DNAI7: variants seen among roughly 807,000 people sequenced by gnomAD.
DNAI7 encodes the protein dynein axonemal intermediate chain 7, also known as cancer susceptibility 1.
A neutral mutation model predicts 86.6 loss-of-function variants in DNAI7; 78 were observed. That is an observed-to-expected ratio of 0.90 (90% CI 0.75 to 1.09). DNAI7 has a LOEUF of 1.09. DNAI7 is among the 50% of genes least tolerant of loss of function. The pLI, the probability that DNAI7 is intolerant of heterozygous loss-of-function variation, is 0.00. For missense variants in DNAI7, 753 were observed against 810.2 expected, an observed-to-expected ratio of 0.93 and a Z score of 0.86; for synonymous variants, 274 against 273.0, an observed-to-expected ratio of 1.00 and a Z score of -0.04.
chr12:25,188,779 G>A (rs528214506), intron 2 of DNAI7, among the ~76,000 whole-genome samples: 27 of 152,000 alleles, frequency 1.8e-4, no homozygotes, highest in African/African-American at 5.8e-4. Context: ...TACTATCAAC[G>A]TAATAGCCCA....
intron 2 of DNAI7, among the ~76,000 whole-genome samples, chr12:25,162,403 T>C (rs899438439): frequency 2.0e-5 from 3 of 152,168 alleles, no homozygotes; most frequent in Non-Finnish European, 4.4e-5. Context: ...GGCACTAGAA[T>C]TGTAGAACTG....
At chr12:25,181,749 A>G (rs1321863480) in intron 2 of DNAI7, among the ~76,000 whole-genome samples, 1 of 152,176 alleles carries the variant, frequency 6.6e-6, no homozygotes, top group Non-Finnish European at 1.5e-5. Context: ...AAGAGGACAT[A>G]TAAGTGGCAA....
At chr12:25,171,489 C>G (rs138996632) in intron 2 of DNAI7, among the ~76,000 whole-genome samples, 1 of 151,502 alleles carries the variant, frequency 6.6e-6, no homozygotes, top group Non-Finnish European at 1.5e-5. Flanking sequence ...TAAAAATTAC[C>G]AGAAAAAAAA....
chr12:25,143,563 C>G (rs959941888), intron 9 of DNAI7, among the ~76,000 whole-genome samples: 1 of 152,146 alleles, frequency 6.6e-6, no homozygotes, highest in Non-Finnish European at 1.5e-5. Flanking sequence ...AAATTGAATT[C>G]TTAATAAATC....
rs1949390608 is a variant in DNAI7, at chr12:25,108,410, G to C, written c.*138C>G. ...AAATACTGTTTTTAAAATAAAACTT[G>C]AGTAGAAAATGCAGATTAGAAAATT... is the stretch of plus-strand genomic sequence containing the variant. On this transcript the variant is annotated 3_prime_UTR_variant, in exon 16 of 16. Coordinates refer to ENST00000395987, the MANE Select transcript of DNAI7 (RefSeq NM_018272.5). 3 of 730,054 alleles carry C rather than the reference G, an allele frequency of 4.1e-6. No homozygotes were observed. The highest frequency in any genetic ancestry group is 6.2e-6 in the Non-Finnish European group (3 of 482,544). The allele number at this position is 730,054 out of a possible 1,614,324, so 45.2% of individuals were successfully genotyped here.
intron 1 of DNAI7, among the ~76,000 whole-genome samples, chr12:25,191,223 G>T (rs1247120147): frequency 6.6e-6 from 1 of 152,078 alleles, no homozygotes. Flanking sequence ...GATCAGCCCG[G>T]GCAACACAGG....
intron 9 of DNAI7, among the ~76,000 whole-genome samples, chr12:25,138,921 G>T (rs1565696946): frequency 6.6e-6 from 1 of 151,346 alleles, no homozygotes; most frequent in Admixed American, 6.6e-5. Flanking sequence ...ATAAAAATCT[G>T]GTTTTTTGAA....
At chr12:25,149,575 A>T (rs1945256277) in intron 7 of DNAI7, 53 bp downstream of exon 7, 2 of 1,281,000 alleles carry the variant, frequency 1.6e-6, no homozygotes, top group Non-Finnish European at 2.2e-6. Context: ...ATTTTATAAC[A>T]TAAAATGTTA....
intron 9 of DNAI7, among the ~76,000 whole-genome samples, chr12:25,140,747 T>TAGCC (rs1429671822): frequency 1.3e-5 from 2 of 151,900 alleles, no homozygotes; most frequent in Non-Finnish European, 2.9e-5. Context: ...AGAGCCCACA[T>TAGCC]AGCCAAACCA....
At chr12:25,122,962 G>C (rs1398594704) in intron 10 of DNAI7, among the ~76,000 whole-genome samples, 1 of 152,072 alleles carries the variant, frequency 6.6e-6, no homozygotes, top group Non-Finnish European at 1.5e-5. Flanking sequence ...TGTTAGGTGG[G>C]AAAAAAGTAA....
At chr12:25,109,428 T>C (rs1949598761) in intron 15 of DNAI7, among the ~76,000 whole-genome samples, 1 of 152,084 alleles carries the variant, frequency 6.6e-6, no homozygotes, top group African/African-American at 2.4e-5. Flanking sequence ...ACTCTGCTGT[T>C]CAGGCTCGGG....
chr12:25,126,820 C>T (rs73081725), intron 9 of DNAI7, among the ~76,000 whole-genome samples: 11,849 of 152,052 alleles, frequency 0.078, 705 homozygotes, highest in Non-Finnish European at 0.11. Context: ...GATATCAGAC[C>T]AATAGGTAAG....
intron 9 of DNAI7, among the ~76,000 whole-genome samples, chr12:25,138,305 A>T (rs1229907133): frequency 6.6e-6 from 1 of 152,156 alleles, no homozygotes; most frequent in African/African-American, 2.4e-5. Flanking sequence ...TCTACTAAAA[A>T]TACAAAAAAT....
chr12:25,165,386 G>A (rs990688598), intron 2 of DNAI7, among the ~76,000 whole-genome samples: 1 of 152,156 alleles, frequency 6.6e-6, no homozygotes, highest in Non-Finnish European at 1.5e-5. Flanking sequence ...AGCTGCTGGG[G>A]TTACTCTAGA....
intron 2 of DNAI7, among the ~76,000 whole-genome samples, chr12:25,189,884 ATTG>A (rs1950345724): frequency 6.6e-6 from 1 of 151,930 alleles, no homozygotes; most frequent in South Asian, 2.1e-4. Flanking sequence ...AGCCCAGCCA[ATTG>A]TTGCCTTACA....
intron 2 of DNAI7, among the ~76,000 whole-genome samples, chr12:25,181,573 T>G (rs995113064): frequency 6.6e-6 from 1 of 152,014 alleles, no homozygotes; most frequent in East Asian, 1.9e-4. Flanking sequence ...AGCTTCTGCA[T>G]AGCAAAAGAA....
At chr12:25,190,689 T>A in intron 1 of DNAI7, 58 bp from the exon 2 acceptor site, 1 of 979,482 alleles carries the variant, frequency 1.0e-6, no homozygotes, top group Non-Finnish European at 1.5e-6. Flanking sequence ...GATACAAAAG[T>A]ATCATGATTA....
At chr12:25,119,413 C>T (rs1940829458) in intron 11 of DNAI7, 112 bp from the exon 12 acceptor site, 2 of 594,568 alleles carry the variant, frequency 3.4e-6, no homozygotes, top group Admixed American at 6.2e-5. Context: ...CAGTTTGATC[C>T]TATTTATATA....
chr12:25,175,979 C>A (rs965979837), intron 2 of DNAI7, among the ~76,000 whole-genome samples: 1 of 151,966 alleles, frequency 6.6e-6, no homozygotes, highest in African/African-American at 2.4e-5. Context: ...ACTCGGGAGG[C>A]TGAGGTAGGA....
Sources: allele counts gnomAD v4.1 joint callset (sites outside exome capture counted in the v4.1 genomes callset), GRCh38; gene constraint gnomAD v4.1.1; transcripts MANE v1.5; gene names NCBI Gene and HGNC (gene_info 2026-07-23, HGNC 2026-07-21).